Variants in APOL2 observed in about 807,000 individuals in gnomAD.
The protein encoded by APOL2 is apolipoprotein L, 2.
Under a neutral mutation model 7.1 loss-of-function variants are expected in APOL2, and 8 were observed. The ratio of observed to expected loss-of-function variants is 1.12; its 90% CI spans 0.66 to 2.03. The LOEUF is 2.03. APOL2 is among the 30% of genes most tolerant of loss of function. The probability of loss-of-function intolerance (pLI) is 0.00; values close to 1 mark genes in which losing one functional copy is unlikely to be tolerated. For synonymous variants in APOL2, 177 were observed against 159.9 expected (o/e 1.11, Z -0.81); for missense variants, 471 against 415.1 (o/e 1.13, Z -1.17).
chr22:36,232,461 C>A (rs535030718), intron 3 of APOL2, among the ~76,000 whole-genome samples: 1 of 152,178 alleles, frequency 6.6e-6, no homozygotes, highest in Admixed American at 6.5e-5. Context: ...AGAGGGGATG[C>A]AAACTAATTC....
At position 36,227,984 on chromosome 22, in the gene APOL2, C is replaced by T. The variant is rs2015077351; in HGVS notation, c.434G>A (p.Ser145Asn). The T allele has an allele frequency of 6.2e-7, 1 of 1,614,206 alleles. No homozygotes were observed. The highest frequency in any genetic ancestry group is 8.5e-7 in the Non-Finnish European group (1 of 1,180,032). Residue 145 changes from serine (S) to asparagine (N), a missense_variant, in exon 5 of 5, where the codon AGT becomes AAT. Transcript: ENST00000358502. ...LGLAPFTEGI[S>N]FVLLDTGMGL... is the part of the protein sequence containing the mutation. Reference sequence around the variant, plus strand: ...CATGCCAGTGTCCAAGAGCACAAAACTGATTCCTTCTGTGAAGGGTGCCAG... The same window carrying T: ...CATGCCAGTGTCCAAGAGCACAAAATTGATTCCTTCTGTGAAGGGTGCCAG...
intron 1 of APOL2, among the ~76,000 whole-genome samples, chr22:36,235,771 G>A (rs965535478): frequency 1.3e-5 from 2 of 151,204 alleles, no homozygotes; most frequent in Non-Finnish European, 3.0e-5. Flanking sequence ...GTGTGTGTGT[G>A]TGTGTGTGTG....
intron 1 of APOL2, chr22:36,234,156 T>C (rs1257608371): frequency 6.6e-6 from 1 of 152,222 alleles, no homozygotes; most frequent in African/African-American, 2.4e-5. Context: ...ACTGCTCACA[T>C]TTGAGATTAT....
Position 36,227,448 on chromosome 22 carries a change from G to A in APOL2, c.970C>T (p.Leu324Phe). The A allele has an allele frequency of 6.2e-7, 1 of 1,612,688 alleles. No individual in the cohort carries two copies. Among genetic ancestry groups the A allele is most frequent in the Non-Finnish European group, 8.5e-7 (1 of 1,179,166 alleles). The stretch of plus-strand genomic sequence containing the variant: ...TGCAGCATCTCATGGATCTTGGTGA[G>A]AAAGTTGAGCTTCCCCTCCAGCTCC... ...AQELEGKLNFLTKIHEMLQPG... is the reference protein window; with the variant it reads ...AQELEGKLNFFTKIHEMLQPG... The change falls in exon 5 of 5, where the codon CTC becomes TTC. Residue 324 changes from leucine (L) to phenylalanine (F), a missense_variant. By Grantham distance (22) the Leu-to-Phe change is conservative. Coordinates refer to ENST00000358502, the MANE Select transcript of APOL2 (RefSeq NM_030882.4).
intron 3 of APOL2, among the ~76,000 whole-genome samples, chr22:36,232,618 A>G (rs78932336): frequency 0.016 from 2,512 of 152,260 alleles, 54 homozygotes; most frequent in African/African-American, 0.058. Flanking sequence ...GGGACTTGGA[A>G]AAGGCCAGAC....
chr22:36,237,465 T>G, intron 1 of APOL2: 3 of 938,896 alleles, frequency 3.2e-6, no homozygotes, highest in Non-Finnish European at 3.9e-6. Context: ...CTGGAGTGCT[T>G]TGGGGCTATC....
intron 1 of APOL2, chr22:36,236,831 C>G: frequency 8.4e-7 from 1 of 1,185,306 alleles, no homozygotes; most frequent in Non-Finnish European, 1.0e-6. Context: ...GGGACCCAGT[C>G]CTGGGCAGCA....
rs141458990 is a variant in APOL2, at chr22:36,231,616, G to A, written c.11-150C>T. Reference sequence around the variant, plus strand: ...GTCATCAGTGCTATAGAGGGATTGTGTGCCCCCAAAATTCATATGCTGAAG... The same window carrying A: ...GTCATCAGTGCTATAGAGGGATTGTATGCCCCCAAAATTCATATGCTGAAG... On this transcript the variant is annotated intron_variant, in intron 3 of 4. Transcript: ENST00000358502. 740 of 973,224 alleles carry A rather than the reference G, an allele frequency of 7.6e-4. 1 individual carries two copies. The highest frequency in any genetic ancestry group is 1.1e-3 in the Non-Finnish European group (705 of 667,934). The allele number at this position is 973,224 out of a possible 1,614,324, so 60.3% of individuals were successfully genotyped here.
intron 4 of APOL2, among the ~76,000 whole-genome samples, chr22:36,229,465 G>A (rs1427385859): frequency 1.3e-5 from 2 of 152,226 alleles, no homozygotes; most frequent in East Asian, 3.8e-4. Context: ...CACCGCATGT[G>A]TTTTGTCCCA....
intron 1 of APOL2, among the ~76,000 whole-genome samples, chr22:36,238,304 T>C (rs1417183884): frequency 1.3e-5 from 2 of 152,234 alleles, no homozygotes; most frequent in African/African-American, 4.8e-5. Flanking sequence ...GAAATTGAAT[T>C]TAATTTTTCT....
intron 4 of APOL2, among the ~76,000 whole-genome samples, chr22:36,230,191 G>C (rs562441994): frequency 6.6e-6 from 1 of 152,364 alleles, no homozygotes; most frequent in East Asian, 1.9e-4. Flanking sequence ...GACTTTGTGA[G>C]TCTGCTCAGT....
chr22:36,234,342 GAAAACAAAAC>G (rs888920194), intron 1 of APOL2: 2 of 151,884 alleles, frequency 1.3e-5, no homozygotes, highest in Admixed American at 1.3e-4. Flanking sequence ...TTTTCTTCAG[GAAAACAAAAC>G]AAAACAAAAC....
chr22:36,236,683 G>A (rs975164672), intron 1 of APOL2: 12 of 984,640 alleles, frequency 1.2e-5, no homozygotes, highest in African/African-American at 1.8e-5. Flanking sequence ...AGTGGTTCCC[G>A]GGCATCCTCC....
chr22:36,229,812 C>G (rs944497016), intron 4 of APOL2, among the ~76,000 whole-genome samples: 4 of 152,250 alleles, frequency 2.6e-5, no homozygotes, highest in African/African-American at 4.8e-5. Context: ...TGCCTGGCAT[C>G]TGCTCCCTTC....
At chr22:36,239,751 T>C, upstream of APOL2, 3 of 526,868 alleles carry the variant, frequency 5.7e-6, no homozygotes, top group Non-Finnish European at 1.0e-5. Context: ...ATCCTCAGGA[T>C]TCAAGGTCTG....
rs2015048103 is a variant in APOL2 at position 36,227,535 on chromosome 22, A to G, written c.883T>C (p.Ser295Pro). ...TTTGCCCCCTCAAGCAAGTGCTTTG[A>G]CTCATATGCAAGGCTGACCACATCC... Reference protein sequence around the residue: ...LLDVVSLAYESKHLLEGAKSE... With the variant: ...LLDVVSLAYEPKHLLEGAKSE... Residue 295 changes from serine to proline, a missense_variant, in exon 5 of 5, where the codon TCA (serine) becomes CCA (proline). Physicochemically the swap from Ser to Pro is moderately conservative, Grantham distance 74. Transcript: ENST00000358502. 1 of 1,613,846 alleles carries G rather than the reference A, an allele frequency of 6.2e-7. No homozygotes were observed. Among genetic ancestry groups the G allele is most frequent in the South Asian group, 1.1e-5 (1 of 91,080 alleles).
intron 1 of APOL2, 92 bp downstream of exon 1, chr22:36,239,349 T>A: frequency 7.1e-7 from 1 of 1,405,358 alleles, no homozygotes; most frequent in Non-Finnish European, 9.5e-7. Flanking sequence ...CTAACCTCTC[T>A]GAGCTTATCT....
chr22:36,227,290 T>C lies in APOL2; in HGVS notation c.*114A>G. On this transcript the variant is annotated 3_prime_UTR_variant, in exon 5 of 5. Transcript: ENST00000358502. Reference sequence around the variant, plus strand: ...GAGATTGAGCCACTGCACTCCATCCTGGGCGATAGAGCGAGACTCCATCTC... The same window carrying C: ...GAGATTGAGCCACTGCACTCCATCCCGGGCGATAGAGCGAGACTCCATCTC... The C allele has an allele frequency of 7.6e-7, 1 of 1,316,212 alleles. No individual in the cohort carries two copies. Among genetic ancestry groups the C allele is most frequent in the Non-Finnish European group, 1.0e-6 (1 of 999,176 alleles). 81.5% of individuals were successfully genotyped at this position (1,316,212 alleles called of 1,614,324 possible).
chr22:36,234,029 C>T (rs990112479), intron 1 of APOL2, among the ~76,000 whole-genome samples: 2 of 152,170 alleles, frequency 1.3e-5, no homozygotes, highest in Non-Finnish European at 2.9e-5. Flanking sequence ...CTGTGGCTGC[C>T]GAGCCCTCCT....
Sources: gnomAD v4.1 joint callset for allele counts (sites outside exome capture counted in the v4.1 genomes callset) on GRCh38, gnomAD v4.1.1 for gene constraint, MANE v1.5 for transcripts, NCBI Gene and HGNC (gene_info 2026-07-23, HGNC 2026-07-21) for gene names.